Variants in ITGA11 observed in about 807,000 individuals in gnomAD.
The protein encoded by ITGA11 is integrin alpha-11.
In ITGA11, 97 loss-of-function variants were observed where a neutral mutation model predicts 141.9. The observed-to-expected ratio is 0.68, with a 90% CI of 0.58 to 0.81. The LOEUF (loss-of-function observed/expected upper bound fraction) is 0.81. Ranked by LOEUF, ITGA11 falls within the 30% of genes least tolerant of loss-of-function variation. ITGA11 has a pLI of 0.00. For missense variants in ITGA11, 1,387 were observed against 1,559.2 expected, an observed-to-expected ratio of 0.89 and a Z score of 1.86; for synonymous variants, 658 against 624.6, an observed-to-expected ratio of 1.05 and a Z score of -0.80.
At chr15:68,418,767 T>C (rs1020910251) in intron 1 of ITGA11, among the ~76,000 whole-genome samples, 9 of 151,722 alleles carry the variant, frequency 5.9e-5, no homozygotes, top group African/African-American at 1.9e-4. Context: ...ATACTGACCA[T>C]CTCAAAGAGC....
intron 1 of ITGA11, among the ~76,000 whole-genome samples, chr15:68,412,023 G>C (rs1233378180): frequency 6.6e-6 from 1 of 152,104 alleles, no homozygotes; most frequent in Non-Finnish European, 1.5e-5. Flanking sequence ...GTTGAGCTTA[G>C]CTTGGACCAG....
intron 6 of ITGA11, 65 bp from the exon 7 acceptor site, chr15:68,357,364 G>T: frequency 2.6e-6 from 4 of 1,548,910 alleles, no homozygotes; most frequent in South Asian, 1.2e-5. Flanking sequence ...CTTAGAATTT[G>T]AGAGTGAGGA....
rs1893993532 is a variant in ITGA11 at position 68,326,917 on chromosome 15, G to A, written c.2069-121C>T. Reference sequence around the variant, plus strand: ...GAGAGCTGTTCCTTTCCTCTCACGAGCCCCAGTGTGGGTGAGAAACTCCCA... The same window carrying A: ...GAGAGCTGTTCCTTTCCTCTCACGAACCCCAGTGTGGGTGAGAAACTCCCA... On this transcript the variant is annotated intron_variant, in intron 16 of 29. Coordinates refer to ENST00000315757, the MANE Select transcript of ITGA11 (RefSeq NM_001004439.2). This position sits in a 1 kb window ranked among gnomAD's most constrained non-coding sequence, Gnocchi z 6.8. The A allele has an allele frequency of 3.7e-6, 4 of 1,084,452 alleles. No individual in the cohort carries two copies. The highest frequency in any genetic ancestry group is 5.2e-6 in the Non-Finnish European group (4 of 774,706). 67.2% of individuals were successfully genotyped at this position (1,084,452 alleles called of 1,614,324 possible). A position where few individuals can be genotyped will look rare whatever the true frequency, so the allele number is the denominator to read the frequency against.
At position 68,330,973 on chromosome 15, in the gene ITGA11, G is replaced by GAACC; in HGVS notation, c.1901+4_1901+7dup. ...AGCCCAGGAGGTGGGAACAGCGGGG[G>GAACC]AACCAACCACAGAATCACAGCGTTG... On this transcript the variant is annotated splice_region_variant and intron_variant, in intron 15 of 29. Coordinates refer to ENST00000315757, the MANE Select transcript of ITGA11 (RefSeq NM_001004439.2). 1,386 of 1,613,682 alleles carry GAACC rather than the reference G, an allele frequency of 8.6e-4. No homozygotes were observed. The highest frequency in any genetic ancestry group is 8.6e-4 in the Non-Finnish European group (1,011 of 1,179,840).
At chr15:68,382,907 A>G (rs1381601411) in intron 2 of ITGA11, among the ~76,000 whole-genome samples, 1 of 152,238 alleles carries the variant, frequency 6.6e-6, no homozygotes, top group Non-Finnish European at 1.5e-5. Flanking sequence ...GCTATTGGTT[A>G]TGTGTCTGAG....
intron 1 of ITGA11, among the ~76,000 whole-genome samples, chr15:68,413,094 G>T (rs1197683445): frequency 1.3e-5 from 2 of 152,166 alleles, no homozygotes; most frequent in African/African-American, 4.8e-5. Flanking sequence ...TACATGAAAA[G>T]TAGACACAAG....
intron 3 of ITGA11, among the ~76,000 whole-genome samples, chr15:68,366,597 T>C (rs747970695): frequency 2.0e-5 from 3 of 152,028 alleles, no homozygotes; most frequent in Non-Finnish European, 4.4e-5. Flanking sequence ...CTGATGTTTG[T>C]AGTGAAACTG....
chr15:68,317,414 C>G, intron 20 of ITGA11, 51 bp from the exon 21 acceptor site: 1 of 1,316,338 alleles, frequency 7.6e-7, no homozygotes, highest in Non-Finnish European at 1.1e-6. Context: ...GGCCTGGGAC[C>G]AGGTCTCGAG....
intron 10 of ITGA11, among the ~76,000 whole-genome samples, chr15:68,340,538 C>A (rs1268373955): frequency 6.6e-6 from 1 of 152,094 alleles, no homozygotes; most frequent in Non-Finnish European, 1.5e-5. Flanking sequence ...GACAGATAAG[C>A]CAGGGCCACC....
Position 68,305,595 on chromosome 15 carries a change from C to T in ITGA11, c.3382-1710G>A, listed in dbSNP as rs2140262405. On this transcript the variant is annotated intron_variant, in intron 28 of 29. Coordinates refer to ENST00000315757, the MANE Select transcript of ITGA11 (RefSeq NM_001004439.2). This position sits in a 1 kb window ranked among gnomAD's most constrained non-coding sequence, Gnocchi z 4.6. The stretch of plus-strand genomic sequence containing the variant: ...GGACCACCTGCAACAGCAGACAGAG[C>T]CCTCCTTTGGCCACTGACTCACTGT... Among the ~76,000 whole-genome samples the T allele has an allele frequency of 6.6e-6, 1 of 152,308 alleles. No individual in the cohort carries two copies. Among genetic ancestry groups the T allele is most frequent in the South Asian group, 2.1e-4 (1 of 4,822 alleles).
chr15:68,321,293 G>GCAAT lies in ITGA11; in HGVS notation c.2408+121_2408+124dup. ...CTGGGCTAGAACGCAGGCTCCAAGT[G>GCAAT]CAATGTTTGATCCATGCTGCCTGTG... On this transcript the variant is annotated intron_variant, in intron 19 of 29. Coordinates refer to ENST00000315757, the MANE Select transcript of ITGA11 (RefSeq NM_001004439.2). The surrounding 1 kb of genome is among the most constrained non-coding windows in gnomAD (Gnocchi z 4.9). 1.9e-6 allele frequency: 1 copy of GCAAT among 524,972 alleles called. No homozygotes were observed. The highest frequency in any genetic ancestry group is 3.3e-6 in the Non-Finnish European group (1 of 301,016). 32.5% of individuals were successfully genotyped at this position (524,972 alleles called of 1,614,324 possible).
chr15:68,369,073 T>C, intron 3 of ITGA11, 111 bp downstream of exon 3: 1 of 766,182 alleles, frequency 1.3e-6, no homozygotes, highest in Non-Finnish European at 2.3e-6. Context: ...GGTCATCTCA[T>C]GGAGTAGCAG....
At chr15:68,342,182 T>C (rs2140318275) in intron 10 of ITGA11, among the ~76,000 whole-genome samples, 1 of 152,284 alleles carries the variant, frequency 6.6e-6, no homozygotes, top group East Asian at 1.9e-4. Flanking sequence ...ACCAAATCCT[T>C]AATAGGGGAA....
intron 2 of ITGA11, among the ~76,000 whole-genome samples, chr15:68,381,647 C>T (rs989631776): frequency 2.0e-5 from 3 of 152,118 alleles, no homozygotes; most frequent in African/African-American, 7.2e-5. Context: ...CCTCCACCTC[C>T]CGGGCTCAAG....
At chr15:68,372,392 G>C (rs1281623670) in intron 2 of ITGA11, among the ~76,000 whole-genome samples, 1 of 152,072 alleles carries the variant, frequency 6.6e-6, no homozygotes, top group Non-Finnish European at 1.5e-5. Context: ...CGCCTCTCGG[G>C]GGCTTGATAC....
chr15:68,364,824 T>A, intron 3 of ITGA11, 26 bp from the exon 4 acceptor site: 1 of 1,602,120 alleles, frequency 6.2e-7, no homozygotes, highest in Non-Finnish European at 8.5e-7. Flanking sequence ...AAGTTCAGCT[T>A]GCAGCCCCCT....
Position 68,297,619 on chromosome 15 carries a change from A to T in ITGA11, c.*5440T>A, listed in dbSNP as rs1892938166. 1 of 151,804 alleles carries T rather than the reference A, an allele frequency of 6.6e-6. No homozygotes were observed. Among genetic ancestry groups the T allele is most frequent in the African/African-American group, 2.4e-5 (1 of 41,306 alleles). The allele number at this position is 151,804 out of a possible 1,614,324, so 9.4% of individuals were successfully genotyped here. On this transcript the variant is annotated 3_prime_UTR_variant, in exon 30 of 30. Coordinates refer to ENST00000315757, the MANE Select transcript of ITGA11 (RefSeq NM_001004439.2). ...TTAATGTTTTTACAAAAGCACTGTA[A>T]TGGTTTTTTTTGTTTTTAAAGAAAT...
intron 4 of ITGA11, among the ~76,000 whole-genome samples, chr15:68,363,706 CT>C (rs1188574057): frequency 7.9e-5 from 12 of 152,186 alleles, no homozygotes; most frequent in Non-Finnish European, 1.3e-4. Context: ...TCTCCTGCAA[CT>C]GTTTCTAGGA....
chr15:68,399,625 C>T (rs898865277), intron 2 of ITGA11, among the ~76,000 whole-genome samples: 7 of 152,062 alleles, frequency 4.6e-5, no homozygotes, highest in African/African-American at 1.7e-4. Context: ...TACTACACAA[C>T]CATGAAAAAG....
Sources: gnomAD v4.1 joint callset for allele counts (sites outside exome capture counted in the v4.1 genomes callset) on GRCh38, gnomAD v4.1.1 for gene constraint, Gnocchi (gnomAD v3.1) non-coding constraint, MANE v1.5 for transcripts, NCBI Gene and HGNC (gene_info 2026-07-23, HGNC 2026-07-21) for gene names.